GMCL1: variants seen among roughly 807,000 people sequenced by gnomAD.
GMCL1 encodes germ cell-less protein-like 1.
GMCL1 carries 54 observed loss-of-function variants against 75.5 expected under a neutral mutation model. The ratio of observed to expected loss-of-function variants is 0.71; its 90% CI spans 0.57 to 0.90. The LOEUF (loss-of-function observed/expected upper bound fraction) is 0.90. Ranked by LOEUF, GMCL1 falls within the 40% of genes least tolerant of loss-of-function variation. The pLI is 0.00. For missense variants in GMCL1, 537 were observed against 622.7 expected (o/e 0.86, Z 1.47); for synonymous variants, 210 against 209.6 (o/e 1.00, Z -0.02).
At chr2:69,847,921 T>G (rs866937979) in intron 7 of GMCL1, among the ~76,000 whole-genome samples, 44 of 152,340 alleles carry the variant, frequency 2.9e-4, no homozygotes, top group African/African-American at 1.1e-3. Flanking sequence ...AAAAATGTTT[T>G]ATATTGTTTT....
rs4618082 is a variant in GMCL1, at chr2:69,879,166, T to C, written c.*162T>C. 1.8e-6 allele frequency: 1 copy of C among 552,742 alleles called. No homozygotes were observed. Among genetic ancestry groups the C allele is most frequent in the African/African-American group, 1.9e-5 (1 of 52,234 alleles). 34.2% of individuals were successfully genotyped at this position (552,742 alleles called of 1,614,324 possible). A position where few individuals can be genotyped will look rare whatever the true frequency, so the allele number is the denominator to read the frequency against. On this transcript the variant is annotated 3_prime_UTR_variant, in exon 14 of 14. Transcript: ENST00000282570. The stretch of plus-strand genomic sequence containing the variant: ...AAGGCCTTATGAACTGTACAGACAA[T>C]ACAGAAGATTATTCTTATCCTCATT...
At chr2:69,830,542 T>G (rs1224793005) in intron 1 of GMCL1, among the ~76,000 whole-genome samples, 9 of 152,130 alleles carry the variant, frequency 5.9e-5, no homozygotes, top group African/African-American at 2.2e-4. Context: ...GTACAGACAC[T>G]AAATGTAATC....
At chr2:69,867,864 GTAACTC>G (rs947863106) in intron 11 of GMCL1, among the ~76,000 whole-genome samples, 1 of 152,132 alleles carries the variant, frequency 6.6e-6, no homozygotes, top group African/African-American at 2.4e-5. Context: ...ATTAGCTGAG[GTAACTC>G]ATACCTTCTC....
At chr2:69,852,238 G>C (rs962637325) in intron 8 of GMCL1, among the ~76,000 whole-genome samples, 1 of 152,190 alleles carries the variant, frequency 6.6e-6, no homozygotes, top group Non-Finnish European at 1.5e-5. Context: ...AATCAAAAGA[G>C]AAATTGCCCT....
At chr2:69,838,038 A>G (rs1674869293) in intron 2 of GMCL1, among the ~76,000 whole-genome samples, 1 of 152,176 alleles carries the variant, frequency 6.6e-6, no homozygotes, top group Non-Finnish European at 1.5e-5. Context: ...CTCATCTGAA[A>G]TGTTGCTTTG....
chr2:69,846,916 CCTCTTGGG>C (rs937597159), intron 6 of GMCL1, among the ~76,000 whole-genome samples: 18 of 151,950 alleles, frequency 1.2e-4, no homozygotes, highest in African/African-American at 4.4e-4. Context: ...GCAGCCTCCA[CCTCTTGGG>C]CTCAAGCGAT....
chr2:69,849,797 G>A (rs1296567318), intron 8 of GMCL1, 55 bp downstream of exon 8: 17 of 1,015,144 alleles, frequency 1.7e-5, no homozygotes, highest in Non-Finnish European at 2.4e-5. Context: ...GTTAAAATCA[G>A]GCCCCATGAG....
intron 1 of GMCL1, among the ~76,000 whole-genome samples, chr2:69,831,765 C>T (rs1674680073): frequency 6.6e-6 from 1 of 152,078 alleles, no homozygotes; most frequent in Non-Finnish European, 1.5e-5. Context: ...CACCACCACA[C>T]CCAGCTAATT....
At chr2:69,872,209 A>G (rs1466819662) in intron 13 of GMCL1, among the ~76,000 whole-genome samples, 3 of 152,228 alleles carry the variant, frequency 2.0e-5, no homozygotes, top group Non-Finnish European at 4.4e-5. Context: ...TCTTAAAGAC[A>G]ATCCTGTATG....
chr2:69,848,625 C>G (rs1245460244), intron 7 of GMCL1, among the ~76,000 whole-genome samples: 1 of 152,178 alleles, frequency 6.6e-6, no homozygotes, highest in Non-Finnish European at 1.5e-5. Context: ...GGAGGATCAC[C>G]TGAGCCTAGG....
chr2:69,838,672 A>G (rs1674894265), intron 2 of GMCL1, among the ~76,000 whole-genome samples: 1 of 152,200 alleles, frequency 6.6e-6, no homozygotes, highest in Non-Finnish European at 1.5e-5. Context: ...CAGATACTAT[A>G]TCAGAATATT....
At chr2:69,850,764 C>T (rs530255096) in intron 8 of GMCL1, among the ~76,000 whole-genome samples, 1 of 152,268 alleles carries the variant, frequency 6.6e-6, no homozygotes, top group East Asian at 1.9e-4. Context: ...CAAATTTTCC[C>T]ATCATGGCTG....
At chr2:69,858,824 G>C (rs1675554991) in intron 9 of GMCL1, among the ~76,000 whole-genome samples, 1 of 152,118 alleles carries the variant, frequency 6.6e-6, no homozygotes, top group Non-Finnish European at 1.5e-5. Context: ...TTTAAAGGAG[G>C]TTATGCAAAA....
intron 6 of GMCL1, 66 bp from the exon 7 acceptor site, chr2:69,847,477 A>C: frequency 2.0e-6 from 2 of 983,658 alleles, no homozygotes; most frequent in Non-Finnish European, 3.2e-6. Flanking sequence ...TAAAGCTTTT[A>C]TTTCTACCAG....
intron 12 of GMCL1, among the ~76,000 whole-genome samples, chr2:69,871,340 C>A (rs1378043171): frequency 6.6e-6 from 1 of 152,072 alleles, no homozygotes; most frequent in Non-Finnish European, 1.5e-5. Flanking sequence ...ACAGAGGATA[C>A]ACTGGTGGTT....
At chr2:69,863,199 A>C (rs186499118) in intron 10 of GMCL1, among the ~76,000 whole-genome samples, 291 of 152,310 alleles carry the variant, frequency 1.9e-3, no homozygotes, top group African/African-American at 6.8e-3. Context: ...CTCCATATAC[A>C]CAGATTTCAC....
intron 6 of GMCL1, among the ~76,000 whole-genome samples, chr2:69,845,852 G>A (rs1033511198): frequency 2.0e-5 from 3 of 152,078 alleles, no homozygotes; most frequent in Admixed American, 6.6e-5. Flanking sequence ...CAGTGCTTCT[G>A]AGACAAGGAT....
chr2:69,848,385 A>G (rs1435166332), intron 7 of GMCL1, among the ~76,000 whole-genome samples: 2 of 152,220 alleles, frequency 1.3e-5, no homozygotes, highest in Non-Finnish European at 2.9e-5. Flanking sequence ...AAGGAACTTT[A>G]CTATCTGGGC....
At chr2:69,851,145 A>T (rs1284552621) in intron 8 of GMCL1, among the ~76,000 whole-genome samples, 1 of 152,200 alleles carries the variant, frequency 6.6e-6, no homozygotes, top group Admixed American at 6.5e-5. Flanking sequence ...TTTATTAAAG[A>T]TGTCTTTTTG....
Sources: allele counts gnomAD v4.1 joint callset (sites outside exome capture counted in the v4.1 genomes callset), GRCh38; gene constraint gnomAD v4.1.1; transcripts MANE v1.5; gene names NCBI Gene and HGNC (gene_info 2026-07-23, HGNC 2026-07-21).